Variants in MAST4 observed in about 807,000 individuals in gnomAD.
The protein encoded by MAST4 is microtubule-associated serine/threonine-protein kinase 4.
A neutral mutation model predicts 162.7 loss-of-function variants in MAST4; 89 were observed. The observed-to-expected ratio is 0.55, with a 90% CI of 0.46 to 0.65. MAST4 has a LOEUF of 0.65. MAST4 is among the 30% of genes least tolerant of loss of function. MAST4 has a pLI of 0.00. For synonymous variants in MAST4, 1,479 were observed against 1,361.1 expected (o/e 1.09, Z -1.91); for missense variants, 3,153 against 3,374.0 (o/e 0.93, Z 1.62).
chr5:66,669,482 A>G (rs760865437), intron 1 of MAST4, among the ~76,000 whole-genome samples: 30 of 152,336 alleles, frequency 2.0e-4, no homozygotes, highest in Non-Finnish European at 3.7e-4. Context: ...GGTGAGGATC[A>G]CATACAAAGG....
At chr5:67,110,041 C>A in intron 10 of MAST4, 57 bp from the exon 11 acceptor site, 1 of 1,273,890 alleles carries the variant, frequency 7.8e-7, no homozygotes, top group Non-Finnish European at 1.1e-6. Flanking sequence ...TGCTGATTTT[C>A]TTTTCCATTT....
intron 3 of MAST4, among the ~76,000 whole-genome samples, chr5:66,804,509 G>T (rs1756084752): frequency 6.6e-6 from 1 of 152,170 alleles, no homozygotes. Context: ...GAACCTCCTA[G>T]AGTGGTGAGC....
intron 1 of MAST4, among the ~76,000 whole-genome samples, chr5:66,727,115 GT>G (rs1388873043): frequency 6.6e-6 from 1 of 152,144 alleles, no homozygotes; most frequent in Non-Finnish European, 1.5e-5. Context: ...GTGGTTGCAT[GT>G]AAGGGATGAA....
intron 6 of MAST4, among the ~76,000 whole-genome samples, chr5:67,094,683 GT>G (rs1716010280): frequency 6.6e-6 from 1 of 152,000 alleles, no homozygotes; most frequent in Admixed American, 6.6e-5. Context: ...TTTGCTTTCT[GT>G]TGTCCCCTTC....
chr5:67,136,709 T>C lies in MAST4; in HGVS notation c.2494+45T>C. On this transcript the variant is annotated intron_variant, in intron 19 of 28. Coordinates refer to ENST00000403625, the MANE Select transcript of MAST4 (RefSeq NM_001164664.2). ...AATTTTGCTAATATGCAAGAAATAATGTCTACATGGAGCACTCTGAAGCTT... is the reference window on the plus strand; with the variant it reads ...AATTTTGCTAATATGCAAGAAATAACGTCTACATGGAGCACTCTGAAGCTT... 4.9e-6 allele frequency: 7 copies of C among 1,425,052 alleles called. No homozygotes were observed. In the Admixed American group the frequency reaches 9.8e-5, roughly 20 times the overall value. 88.3% of individuals were successfully genotyped at this position (1,425,052 alleles called of 1,614,324 possible).
intron 1 of MAST4, among the ~76,000 whole-genome samples, chr5:66,688,946 A>G (rs1346115280): frequency 6.6e-6 from 1 of 152,150 alleles, no homozygotes; most frequent in Admixed American, 6.6e-5. Context: ...GAAAAGCCCT[A>G]CATTTACAAG....
At chr5:66,715,813 C>T (rs1750803790) in intron 1 of MAST4, among the ~76,000 whole-genome samples, 1 of 149,214 alleles carries the variant, frequency 6.7e-6, no homozygotes, top group Non-Finnish European at 1.5e-5. Flanking sequence ...TTTATGGATA[C>T]AGATATCAAA....
intron 10 of MAST4, among the ~76,000 whole-genome samples, chr5:67,105,642 A>G (rs1238035529): frequency 1.3e-5 from 2 of 152,234 alleles, no homozygotes; most frequent in African/African-American, 2.4e-5. Context: ...ATAAACTAAA[A>G]GGAAAATGAA....
chr5:66,722,378 A>T (rs1026564376), intron 1 of MAST4, among the ~76,000 whole-genome samples: 27 of 151,124 alleles, frequency 1.8e-4, no homozygotes, highest in Non-Finnish European at 1.2e-4. Context: ...ACCGAAAGTT[A>T]TCTTCTCCAT....
intron 1 of MAST4, among the ~76,000 whole-genome samples, chr5:66,750,932 C>G (rs1035533154): frequency 1.3e-5 from 2 of 152,226 alleles, no homozygotes; most frequent in African/African-American, 4.8e-5. Flanking sequence ...GTTCTCCCAG[C>G]ATGCAGCTGG....
chr5:67,130,119 A>G, intron 14 of MAST4, 91 bp from the exon 15 acceptor site: 1 of 1,249,470 alleles, frequency 8.0e-7, no homozygotes, highest in Non-Finnish European at 1.1e-6. Flanking sequence ...AGAACTTTTA[A>G]AAAGTTGATG....
At chr5:66,762,346 G>C (rs1200959110) in intron 2 of MAST4, among the ~76,000 whole-genome samples, 1 of 152,002 alleles carries the variant, frequency 6.6e-6, no homozygotes, top group Admixed American at 6.6e-5. Context: ...ATTTTTAATT[G>C]TTCCTCTGTA....
intron 4 of MAST4, among the ~76,000 whole-genome samples, chr5:67,005,543 A>G (rs1044106650): frequency 6.6e-6 from 1 of 151,746 alleles, no homozygotes; most frequent in African/African-American, 2.4e-5. Flanking sequence ...CAGGTTAGCT[A>G]TTTCATACTA....
chr5:66,852,813 T>A (rs993038726), intron 3 of MAST4, among the ~76,000 whole-genome samples: 1 of 152,182 alleles, frequency 6.6e-6, no homozygotes, highest in Admixed American at 6.5e-5. Context: ...CCTAATGAAA[T>A]GTAAACTATC....
At chr5:66,936,532 G>T (rs1449453171) in intron 4 of MAST4, among the ~76,000 whole-genome samples, 1 of 152,168 alleles carries the variant, frequency 6.6e-6, no homozygotes, top group Non-Finnish European at 1.5e-5. Flanking sequence ...GTCAAAGGGG[G>T]TTGTTCTCTG....
chr5:66,763,899 GA>G (rs1317798806), intron 2 of MAST4, among the ~76,000 whole-genome samples: 1 of 152,166 alleles, frequency 6.6e-6, no homozygotes, highest in Non-Finnish European at 1.5e-5. Context: ...TGAGGAGGAG[GA>G]AAACAATTAC....
At chr5:66,889,998 A>G (rs1248266646) in intron 3 of MAST4, among the ~76,000 whole-genome samples, 1 of 152,206 alleles carries the variant, frequency 6.6e-6, no homozygotes. Context: ...TTAAGCTATG[A>G]GTTCAATTGA....
At chr5:66,837,955 ATTTG>A (rs994495003) in intron 3 of MAST4, among the ~76,000 whole-genome samples, 24 of 129,442 alleles carry the variant, frequency 1.9e-4, no homozygotes, top group Admixed American at 1.4e-3. Context: ...TACTCACCAT[ATTTG>A]TTTGTTGAGC....
chr5:67,155,847 G>T (rs761107580), intron 26 of MAST4, among the ~76,000 whole-genome samples: 6 of 152,094 alleles, frequency 3.9e-5, no homozygotes, highest in Non-Finnish European at 7.4e-5. Context: ...CGATCACGAG[G>T]TCAGGAGTTC....
Sources: gnomAD v4.1 joint callset for allele counts (sites outside exome capture counted in the v4.1 genomes callset) on GRCh38, gnomAD v4.1.1 for gene constraint, MANE v1.5 for transcripts, NCBI Gene and HGNC (gene_info 2026-07-23, HGNC 2026-07-21) for gene names.